FRMD8: variants seen among roughly 807,000 people sequenced by gnomAD.
The protein encoded by FRMD8 is FERM domain-containing protein 8.
A neutral mutation model predicts 54.2 loss-of-function variants in FRMD8; 37 were observed. That is an observed-to-expected ratio of 0.68 (90% CI 0.53 to 0.90). The LOEUF (loss-of-function observed/expected upper bound fraction) is 0.90. Among genes scored for constraint, FRMD8 ranks in the 40% least tolerant of loss-of-function variants. The probability of loss-of-function intolerance (pLI) is 0.00; values close to 1 mark genes in which losing one functional copy is unlikely to be tolerated. For missense variants in FRMD8, 585 were observed against 653.7 expected (o/e 0.89, Z 1.15); for synonymous variants, 246 against 286.9 (o/e 0.86, Z 1.44).
chr11:65,394,563 T>G, intron 6 of FRMD8, 138 bp downstream of exon 6: 1 of 1,066,940 alleles, frequency 9.4e-7, no homozygotes. Context: ...GCAGGCTCAC[T>G]CTGGCCCTAG....
intron 10 of FRMD8, among the ~76,000 whole-genome samples, chr11:65,405,467 C>G (rs1565612596): frequency 6.6e-6 from 1 of 151,874 alleles, no homozygotes; most frequent in African/African-American, 2.4e-5. Context: ...ACTAAAAATA[C>G]AAAAAAAGTA....
the FRMD8 span, chr11:65,379,874 T>C: frequency 3.1e-6 from 5 of 1,614,068 alleles, no homozygotes; most frequent in Non-Finnish European, 4.2e-6. Flanking sequence ...CACGGACTCA[T>C]GGCGGTAAAT....
intron 10 of FRMD8, among the ~76,000 whole-genome samples, chr11:65,406,385 G>A (rs1299313345): frequency 2.6e-5 from 4 of 151,874 alleles, no homozygotes; most frequent in South Asian, 2.1e-4. Context: ...TAGTAGAGAC[G>A]GGGTTTCACC....
At position 65,399,733 on chromosome 11, in the gene FRMD8, C is replaced by A. The variant is rs373670403; in HGVS notation, c.804-3C>A. 2.4e-5 allele frequency: 39 copies of A among 1,613,842 alleles called. No homozygotes were observed. In the African/African-American group the frequency reaches 4.5e-4, roughly 19 times the overall value. On this transcript the variant is annotated splice_polypyrimidine_tract_variant and splice_region_variant and intron_variant, in intron 7 of 10. Coordinates refer to ENST00000317568, the MANE Select transcript of FRMD8 (RefSeq NM_031904.5). The stretch of plus-strand genomic sequence containing the variant: ...CGGAGGCTGACCCCAGTCCCCTCCC[C>A]AGGTGTGCCTTCTTCCACGGTGAGG...
At chr11:65,402,334 A>G (rs552388513) in intron 9 of FRMD8, among the ~76,000 whole-genome samples, 2 of 152,084 alleles carry the variant, frequency 1.3e-5, no homozygotes, top group African/African-American at 4.8e-5. Context: ...AGCCTAGGCA[A>G]CAGAGTGAGA....
chr11:65,398,149 C>T (rs1163323017), intron 7 of FRMD8, among the ~76,000 whole-genome samples: 2 of 152,044 alleles, frequency 1.3e-5, no homozygotes, highest in African/African-American at 2.4e-5. Context: ...GTGCTGGGAG[C>T]CACCACGCCT....
chr11:65,406,167 A>G (rs1395380853), intron 10 of FRMD8, among the ~76,000 whole-genome samples: 1 of 149,066 alleles, frequency 6.7e-6, no homozygotes, highest in Non-Finnish European at 1.5e-5. Context: ...AGCTGGGACT[A>G]CAGGTGTGTG....
At chr11:65,399,979 A>G in intron 8 of FRMD8, 120 bp downstream of exon 8, 1 of 1,229,440 alleles carries the variant, frequency 8.1e-7, no homozygotes, top group Non-Finnish European at 1.1e-6. Context: ...TCTGGGAGGG[A>G]CCCTGCCTCC....
intron 9 of FRMD8, among the ~76,000 whole-genome samples, chr11:65,403,483 T>C (rs956513156): frequency 7.2e-5 from 11 of 152,218 alleles, no homozygotes. Context: ...GCACCTGGCC[T>C]GGCCTGGGAC....
chr11:65,391,564 G>A (rs1855846382), intron 3 of FRMD8, among the ~76,000 whole-genome samples: 1 of 151,990 alleles, frequency 6.6e-6, no homozygotes, highest in Admixed American at 6.6e-5. Context: ...AGGTTGGAGT[G>A]CAGTGGTGCA....
At position 65,400,069 on chromosome 11, in the gene FRMD8, G is replaced by A. The variant is rs78586317; in HGVS notation, c.927+210G>A. Among the ~76,000 whole-genome samples, 118 of 152,316 alleles carry A rather than the reference G, an allele frequency of 7.7e-4. 2 individuals carry two copies. The East Asian group carries it at 0.022, about 28-fold the overall frequency. On this transcript the variant is annotated intron_variant, in intron 8 of 10. Coordinates refer to ENST00000317568, the MANE Select transcript of FRMD8 (RefSeq NM_031904.5). The surrounding 1 kb of genome is among the most constrained non-coding windows in gnomAD (Gnocchi z 4.3). ...CTAGGCTGTGGGGTGGCCGGGGCAGGGGAGGCCGCAGCTGGGACTTCACTG... is the reference window on the plus strand; with the variant it reads ...CTAGGCTGTGGGGTGGCCGGGGCAGAGGAGGCCGCAGCTGGGACTTCACTG...
chr11:65,379,256 T>C, the FRMD8 span: 17 of 1,199,444 alleles, frequency 1.4e-5, no homozygotes, highest in Non-Finnish European at 1.8e-5. Context: ...ACAGGCCTCT[T>C]GTTCCCCTCC....
rs545455000 is a variant in FRMD8, at chr11:65,394,075, C to G, written c.390C>G (p.Phe130Leu). 26 of 1,614,128 alleles carry G rather than the reference C, an allele frequency of 1.6e-5. No individual in the cohort carries two copies. Among genetic ancestry groups the G allele is most frequent in the Admixed American group, 1.3e-4 (8 of 60,026 alleles). ...TCCTGCAGTTCCGAAGGAACGTGTT[C>G]TTCCCAAAGCGGCGGGAGCTCCAGG... is the stretch of plus-strand genomic sequence containing the variant. The part of the protein sequence containing the change: ...EPFLQFRRNV[F>L]FPKRRELQIH... The change falls in exon 5 of 11, where the codon TTC (phenylalanine) becomes TTG (leucine). Residue 130 changes from phenylalanine (F) to leucine (L), a missense_variant. Phe to Leu is a conservative substitution (Grantham distance 22). Transcript: ENST00000317568.
intron 10 of FRMD8, 50 bp from the exon 11 acceptor site, chr11:65,411,192 T>C (rs200968673): frequency 2.7e-6 from 4 of 1,467,218 alleles, no homozygotes; most frequent in Non-Finnish European, 3.7e-6. Context: ...CTGAGCCCCC[T>C]CACACAGGGA....
In FRMD8 at chr11:65,387,048, A is replaced by G. The variant is rs772161111; in HGVS notation, c.12A>G (p.Thr4=). Residue 4 remains threonine (T), a synonymous_variant, in exon 2 of 11, where the codon ACA becomes ACG. Coordinates refer to ENST00000317568, the MANE Select transcript of FRMD8 (RefSeq NM_031904.5). MDG[T]EGSAGQPGPA... ...CTTTGCCTTTGCAGATGGACGGGAC[A>G]GAAGGCAGTGCCGGGCAGCCCGGCC... The G allele has an allele frequency of 4.3e-6, 7 of 1,609,370 alleles. No individual in the cohort carries two copies. Among genetic ancestry groups the G allele is most frequent in the South Asian group, 1.1e-5 (1 of 91,060 alleles).
chr11:65,395,706 G>T (rs1855940918), intron 6 of FRMD8, among the ~76,000 whole-genome samples: 1 of 152,194 alleles, frequency 6.6e-6, no homozygotes, highest in Non-Finnish European at 1.5e-5. Flanking sequence ...GTGAGCCTGT[G>T]CTAGTTGTAG....
intron 2 of FRMD8, 23 bp downstream of exon 2, chr11:65,387,144 C>A: frequency 6.3e-7 from 1 of 1,583,034 alleles, no homozygotes; most frequent in Non-Finnish European, 8.6e-7. Context: ...CGCATCTCCT[C>A]TTCCACACCC....
chr11:65,393,842 C>G, intron 4 of FRMD8, 168 bp downstream of exon 4: 4 of 787,226 alleles, frequency 5.1e-6, no homozygotes, highest in Non-Finnish European at 8.3e-6. Context: ...GAAGGGGTCC[C>G]TGAGTGAAGC....
At position 65,399,890 on chromosome 11, in the gene FRMD8, G is replaced by A. The variant is rs377182089; in HGVS notation, c.927+31G>A. On this transcript the variant is annotated intron_variant, in intron 8 of 10. Coordinates refer to ENST00000317568, the MANE Select transcript of FRMD8 (RefSeq NM_031904.5). Reference sequence around the variant, plus strand: ...GCCCCCAGCTCCTCCAGGGTGGAGAGGATGGGAGGGGGCTCCTGACTCAGG... The same window carrying A: ...GCCCCCAGCTCCTCCAGGGTGGAGAAGATGGGAGGGGGCTCCTGACTCAGG... The A allele has an allele frequency of 6.9e-5, 110 of 1,591,166 alleles. No individual in the cohort carries two copies. The South Asian group carries it at 1.2e-3, about 17-fold the overall frequency.
Sources: gnomAD v4.1 joint callset for allele counts (sites outside exome capture counted in the v4.1 genomes callset) on GRCh38, gnomAD v4.1.1 for gene constraint, Gnocchi (gnomAD v3.1) non-coding constraint, MANE v1.5 for transcripts, NCBI Gene and HGNC (gene_info 2026-07-23, HGNC 2026-07-21) for gene names.